Variants in DNMT3A observed in about 807,000 individuals in gnomAD.
The protein encoded by DNMT3A is DNA methyltransferase 3 alpha.
In DNMT3A, 267 loss-of-function variants were observed where a neutral mutation model predicts 117.6. That is an observed-to-expected ratio of 2.27 (90% CI 2.05 to 2.51). The LOEUF is 2.51. DNMT3A is among the 30% of genes most tolerant of loss of function. DNMT3A has a pLI of 0.00. For missense variants in DNMT3A, 1,029 were observed against 1,260.2 expected, an observed-to-expected ratio of 0.82 and a Z score of 2.78; for synonymous variants, 432 against 474.8, an observed-to-expected ratio of 0.91 and a Z score of 1.17.
chr2:25,313,917 C>T lies in DNMT3A; in HGVS notation c.68G>A (p.Arg23Gln), dbSNP rs1174462913. 4.5e-6 allele frequency: 7 copies of T among 1,549,500 alleles called. No homozygotes were observed. The highest frequency in any genetic ancestry group is 6.1e-6 in the Non-Finnish European group (7 of 1,146,918). The change falls in exon 2 of 23, where the codon CGA (arginine) becomes CAA (glutamine). Residue 23 changes from arginine to glutamine, a missense_variant. Coordinates refer to ENST00000321117, the MANE Select transcript of DNMT3A (RefSeq NM_022552.5). Reference sequence around the variant, plus strand: ...CCAGCAGAGCCCGCTGCTCACCTTTCGGTCCTCCTCCCGCTCCGCAGCAGA... The same window carrying T: ...CCAGCAGAGCCCGCTGCTCACCTTTTGGTCCTCCTCCCGCTCCGCAGCAGA... Reference protein sequence around the residue: ...SSSAAEREEDRKDGEEQEEPR... With the variant: ...SSSAAEREEDQKDGEEQEEPR...
intron 4 of DNMT3A, among the ~76,000 whole-genome samples, chr2:25,279,738 G>A (rs1480774981): frequency 6.6e-6 from 1 of 151,778 alleles, no homozygotes; most frequent in African/African-American, 2.4e-5. Context: ...CCAGGCTGGA[G>A]TGCAGTGGCA....
At chr2:25,323,416 G>C (rs2034672166) in intron 1 of DNMT3A, among the ~76,000 whole-genome samples, 1 of 152,150 alleles carries the variant, frequency 6.6e-6, no homozygotes, top group Admixed American at 6.5e-5. Context: ...CCTGACCTAA[G>C]GGCTAATCTC....
chr2:25,244,629 G>T lies in DNMT3A; in HGVS notation c.1578C>A (p.Tyr526Ter). Residue 526 changes from tyrosine to a stop codon, truncating the protein, a stop_gained, in exon 14 of 23, where the codon TAC becomes TAA. Transcript: ENST00000321117. LOFTEE classifies it high-confidence loss of function. ...ACTGGTAGCCGTCGTCGTCGTACTG[G>T]TACGCACACTCCAGAAAGCAGTTCT... ...NCKNCFLECA[Y>*]QYDDDGYQSY... The T allele has an allele frequency of 6.2e-7, 1 of 1,614,134 alleles. No homozygotes were observed. The highest frequency in any genetic ancestry group is 8.5e-7 in the Non-Finnish European group (1 of 1,179,998).
At chr2:25,263,086 C>T (rs767700722) in intron 6 of DNMT3A, among the ~76,000 whole-genome samples, 1 of 152,180 alleles carries the variant, frequency 6.6e-6, no homozygotes, top group Non-Finnish European at 1.5e-5. Context: ...TGGTGCACAA[C>T]ACCATGCCCA....
intron 1 of DNMT3A, among the ~76,000 whole-genome samples, chr2:25,335,163 T>C (rs2035162174): frequency 6.6e-6 from 1 of 152,226 alleles, no homozygotes; most frequent in African/African-American, 2.4e-5. Context: ...ACAACACTAC[T>C]GCATGGGGAT....
chr2:25,275,126 C>T, intron 5 of DNMT3A, 39 bp from the exon 6 acceptor site: 3 of 1,519,424 alleles, frequency 2.0e-6, no homozygotes, highest in Non-Finnish European at 2.7e-6. Context: ...TTAGGGTGGG[C>T]ACTGACGGAC....
At chr2:25,249,712 C>T (rs760493336) in intron 6 of DNMT3A, 31 of 1,614,058 alleles carry the variant, frequency 1.9e-5, no homozygotes, top group Middle Eastern at 3.3e-4. Flanking sequence ...TCTCACAACC[C>T]GCTCCAGGAT....
At chr2:25,340,456 T>C (rs1416268431) in intron 1 of DNMT3A, among the ~76,000 whole-genome samples, 1 of 151,446 alleles carries the variant, frequency 6.6e-6, no homozygotes, top group Non-Finnish European at 1.5e-5. Context: ...GCCCCAGCGA[T>C]GAGGGGCTGG....
At chr2:25,309,855 C>T (rs528460414) in intron 2 of DNMT3A, among the ~76,000 whole-genome samples, 16 of 152,144 alleles carry the variant, frequency 1.1e-4, no homozygotes, top group African/African-American at 3.6e-4. Context: ...AGATCGAGAC[C>T]ATGCTGGCTA....
At chr2:25,302,634 C>T (rs1272490703) in intron 2 of DNMT3A, among the ~76,000 whole-genome samples, 3 of 152,106 alleles carry the variant, frequency 2.0e-5, no homozygotes, top group African/African-American at 4.8e-5. Context: ...GGCACACGCC[C>T]CATGGGAGGG....
Position 25,311,139 on chromosome 2 carries a change from AG to A in DNMT3A, c.72+2773del, listed in dbSNP as rs1359893472. Among the ~76,000 whole-genome samples, 9 of 2,168 alleles carry A rather than the reference AG, an allele frequency of 4.2e-3. No individual in the cohort carries two copies. The highest frequency in any genetic ancestry group is 0.013 in the African/African-American group (8 of 608). The allele number at this position is 2,168 out of a possible 152,430, so 1.4% of individuals were successfully genotyped here. A position where few individuals can be genotyped will look rare whatever the true frequency, so the allele number is the denominator to read the frequency against. On this transcript the variant is annotated intron_variant, in intron 2 of 22. Coordinates refer to ENST00000321117, the MANE Select transcript of DNMT3A (RefSeq NM_022552.5). This position sits in a 1 kb window ranked among gnomAD's most constrained non-coding sequence, Gnocchi z 5.2. ...GGCGGGGCTGGGGGCGGGGGCGGGGAGGGGGGGCGGCGGTGGGCAGAGGCTA... is the reference window on the plus strand; with the variant it reads ...GGCGGGGCTGGGGGCGGGGGCGGGGAGGGGGGCGGCGGTGGGCAGAGGCTA...
intron 6 of DNMT3A, among the ~76,000 whole-genome samples, chr2:25,270,532 A>G (rs915062760): frequency 5.3e-5 from 8 of 152,120 alleles, no homozygotes. Flanking sequence ...TTCAAGTGAT[A>G]TTGCCTGGGG....
intron 11 of DNMT3A, 24 bp from the exon 12 acceptor site, chr2:25,246,088 T>C (rs761996597): frequency 1.2e-6 from 2 of 1,614,144 alleles, no homozygotes; most frequent in Non-Finnish European, 1.7e-6. Flanking sequence ...AGAGCTGGCG[T>C]CAGAGGAGGC....
chr2:25,279,311 T>C (rs1242714208), intron 4 of DNMT3A, among the ~76,000 whole-genome samples: 1 of 152,170 alleles, frequency 6.6e-6, no homozygotes, highest in African/African-American at 2.4e-5. Context: ...CAGGAGCTAA[T>C]GAAAGGGGTT....
Position 25,231,253 on chromosome 2 carries a change from G to C in DNMT3A, c.*3026C>G, listed in dbSNP as rs1053269888. On this transcript the variant is annotated 3_prime_UTR_variant, in exon 23 of 23. Coordinates refer to ENST00000321117, the MANE Select transcript of DNMT3A (RefSeq NM_022552.5). Reference sequence around the variant, plus strand: ...CCAGGCCCGAAGGACAGAGCCCCGCGGGAGCAAGGAGGAGCTGGGTGAGCA... The same window carrying C: ...CCAGGCCCGAAGGACAGAGCCCCGCCGGAGCAAGGAGGAGCTGGGTGAGCA... The C allele has an allele frequency of 6.6e-6, 1 of 152,314 alleles. No individual in the cohort carries two copies. The allele number at this position is 152,314 out of a possible 1,614,324, so 9.4% of individuals were successfully genotyped here.
chr2:25,311,703 G>A lies in DNMT3A; in HGVS notation c.72+2210C>T, dbSNP rs2034130922. Among the ~76,000 whole-genome samples, 1 of 152,118 alleles carries A rather than the reference G, an allele frequency of 6.6e-6. No individual in the cohort carries two copies. The highest frequency in any genetic ancestry group is 6.5e-5 in the Admixed American group (1 of 15,268). ...TTGGACCAGACTTTGCTGTCTGCAG[G>A]TCACTTCCATGCCCATGACCTTATC... On this transcript the variant is annotated intron_variant, in intron 2 of 22. Transcript: ENST00000321117. The surrounding 1 kb of genome is among the most constrained non-coding windows in gnomAD (Gnocchi z 5.2).
intron 6 of DNMT3A, among the ~76,000 whole-genome samples, chr2:25,250,141 A>G (rs888119511): frequency 6.6e-6 from 1 of 152,210 alleles, no homozygotes; most frequent in Non-Finnish European, 1.5e-5. Flanking sequence ...ATATGGACCA[A>G]TGATTCCCAG....
At chr2:25,243,409 T>G (rs985892140) in intron 16 of DNMT3A, among the ~76,000 whole-genome samples, 6 of 151,824 alleles carry the variant, frequency 4.0e-5, no homozygotes, top group Non-Finnish European at 5.9e-5. Context: ...CCCACTTAAT[T>G]TATCTATCTA....
Position 25,314,076 on chromosome 2 carries a change from T to C in DNMT3A, c.-92A>G. 1 of 1,443,804 alleles carries C rather than the reference T, an allele frequency of 6.9e-7. No homozygotes were observed. Among genetic ancestry groups the C allele is most frequent in the Non-Finnish European group, 9.1e-7 (1 of 1,100,686 alleles). 89.4% of individuals were successfully genotyped at this position (1,443,804 alleles called of 1,614,324 possible). ...TATCGTGGTCTTTGGAGGCGAGAGT[T>C]AAAACTTAAACATAGATCCCGGTGT... On this transcript the variant is annotated 5_prime_UTR_variant, in exon 2 of 23. An upstream open reading frame in the 5' UTR loses its in-frame stop. Transcript: ENST00000321117.
Sources: gnomAD v4.1 joint callset for allele counts (sites outside exome capture counted in the v4.1 genomes callset) on GRCh38, gnomAD v4.1.1 for gene constraint, Gnocchi (gnomAD v3.1) non-coding constraint, MANE v1.5 for transcripts, NCBI Gene and HGNC (gene_info 2026-07-23, HGNC 2026-07-21) for gene names.